The following DYM variants were observed in gnomAD, a reference collection of about 807,000 sequenced individuals.
DYM encodes the protein dyggve-Melchior-Clausen syndrome protein.
A neutral mutation model predicts 93.1 loss-of-function variants in DYM; 78 were observed. The ratio of observed to expected loss-of-function variants is 0.84; its 90% CI spans 0.70 to 1.01. The LOEUF is 1.01. DYM is among the 50% of genes least tolerant of loss of function. The pLI, the probability that DYM is intolerant of heterozygous loss-of-function variation, is 0.00. For synonymous variants in DYM, 321 were observed against 319.7 expected, an observed-to-expected ratio of 1.00 and a Z score of -0.04; for missense variants, 789 against 845.0, an observed-to-expected ratio of 0.93 and a Z score of 0.82.
chr18:49,245,117 T>A (rs532113162), intron 13 of DYM, among the ~76,000 whole-genome samples: 1 of 152,354 alleles, frequency 6.6e-6, no homozygotes, highest in East Asian at 1.9e-4. Flanking sequence ...CCCCAATCAA[T>A]ACTTTTATAA....
At chr18:49,056,806 C>T (rs1300681264) in intron 17 of DYM, among the ~76,000 whole-genome samples, 1 of 152,182 alleles carries the variant, frequency 6.6e-6, no homozygotes, top group East Asian at 1.9e-4. Context: ...CTTGGCCTCC[C>T]AAAGTGCTGC....
chr18:49,394,871 G>A (rs560525074), intron 2 of DYM, among the ~76,000 whole-genome samples: 1 of 151,966 alleles, frequency 6.6e-6, no homozygotes, highest in Admixed American at 6.6e-5. Flanking sequence ...TTTGACAAAG[G>A]CATCAAGAAC....
chr18:49,292,627 C>CACA (rs1182623256), intron 8 of DYM, among the ~76,000 whole-genome samples: 3 of 115,904 alleles, frequency 2.6e-5, no homozygotes, highest in African/African-American at 9.0e-5. Flanking sequence ...AAAAAAAAAC[C>CACA]CCCACAAAAA....
intron 2 of DYM, among the ~76,000 whole-genome samples, chr18:49,423,564 T>C (rs930930563): frequency 2.0e-5 from 3 of 152,078 alleles, no homozygotes; most frequent in Middle Eastern, 3.4e-3. Context: ...CTGAAGGAGA[T>C]AGAGACACAA....
chr18:49,091,626 T>C (rs1371782824), intron 17 of DYM, among the ~76,000 whole-genome samples: 1 of 152,128 alleles, frequency 6.6e-6, no homozygotes, highest in Non-Finnish European at 1.5e-5. Flanking sequence ...TAGATTCTAA[T>C]TCCATGGGTC....
At chr18:49,380,052 C>T (rs1472402662) in intron 3 of DYM, among the ~76,000 whole-genome samples, 3 of 151,782 alleles carry the variant, frequency 2.0e-5, no homozygotes, top group African/African-American at 7.2e-5. Flanking sequence ...ACACATTCAA[C>T]TTACACACTA....
chr18:49,295,992 G>A (rs1003659163), intron 8 of DYM, among the ~76,000 whole-genome samples: 4 of 152,060 alleles, frequency 2.6e-5, no homozygotes, highest in Admixed American at 1.3e-4. Context: ...GCGTGATCTC[G>A]CTAACTGCAA....
chr18:49,178,898 C>T (rs907948883), intron 14 of DYM, among the ~76,000 whole-genome samples: 1 of 151,914 alleles, frequency 6.6e-6, no homozygotes, highest in Non-Finnish European at 1.5e-5. Context: ...AATGTTTAAC[C>T]ATGTAACCCC....
At chr18:49,359,022 GTC>G (rs1447249770) in intron 6 of DYM, among the ~76,000 whole-genome samples, 1 of 152,166 alleles carries the variant, frequency 6.6e-6, no homozygotes, top group Non-Finnish European at 1.5e-5. Flanking sequence ...GTTCCCACAA[GTC>G]TCATTCAGCC....
intron 6 of DYM, among the ~76,000 whole-genome samples, chr18:49,358,952 G>A (rs2065794563): frequency 6.6e-6 from 1 of 152,116 alleles, no homozygotes; most frequent in South Asian, 2.1e-4. Context: ...TACAAGGATG[G>A]GTCTATACGG....
chr18:49,198,440 A>G (rs1486433951), intron 14 of DYM, among the ~76,000 whole-genome samples: 3 of 152,248 alleles, frequency 2.0e-5, no homozygotes, highest in African/African-American at 7.2e-5. Context: ...CAGAGTGAAC[A>G]GGCAACCTAC....
At position 49,391,647 on chromosome 18, in the gene DYM, T is replaced by C; in HGVS notation, c.141-2A>G. 6.2e-7 allele frequency: 1 copy of C among 1,612,422 alleles called. No homozygotes were observed. Among genetic ancestry groups the C allele is most frequent in the African/African-American group, 1.3e-5 (1 of 74,968 alleles). On this transcript the variant is annotated splice_acceptor_variant, in intron 2 of 17. Coordinates refer to ENST00000675505, the MANE Select transcript of DYM (RefSeq NM_001353214.3). LOFTEE classifies it high-confidence loss of function. ...TCCTCCAAGAGTTTCAACTCACTAC[T>C]GGAGAGACAGAAGAATAAAGGTAAT... is the stretch of plus-strand genomic sequence containing the variant.
intron 2 of DYM, among the ~76,000 whole-genome samples, chr18:49,400,933 AAC>A: frequency 6.6e-6 from 1 of 152,328 alleles, no homozygotes; most frequent in South Asian, 2.1e-4. Flanking sequence ...GCAGGCAACT[AAC>A]AAACCATCAT....
At chr18:49,337,238 AAAG>A (rs2063738772) in intron 6 of DYM, among the ~76,000 whole-genome samples, 1 of 152,190 alleles carries the variant, frequency 6.6e-6, no homozygotes, top group African/African-American at 2.4e-5. Context: ...GAATTTCATG[AAAG>A]AAGGATCCAG....
chr18:49,338,009 G>C (rs1466079635), intron 6 of DYM, among the ~76,000 whole-genome samples: 1 of 152,150 alleles, frequency 6.6e-6, no homozygotes, highest in African/African-American at 2.4e-5. Context: ...ACTGGGAGTT[G>C]AGAAATTAAT....
chr18:49,080,753 C>A (rs2077889823), intron 17 of DYM, among the ~76,000 whole-genome samples: 1 of 139,192 alleles, frequency 7.2e-6, no homozygotes, highest in African/African-American at 2.7e-5. Context: ...GACGGGGCAG[C>A]TCCGGGCGGA....
chr18:49,076,416 C>A (rs887116493), intron 17 of DYM, among the ~76,000 whole-genome samples: 7 of 152,152 alleles, frequency 4.6e-5, no homozygotes, highest in African/African-American at 1.2e-4. Flanking sequence ...ATTCACAACA[C>A]CAATGTAATA....
intron 14 of DYM, among the ~76,000 whole-genome samples, chr18:49,168,233 A>C (rs188086496): frequency 1.8e-4 from 27 of 152,264 alleles, no homozygotes; most frequent in African/African-American, 6.5e-4. Context: ...CTCTATATAT[A>C]TATATATGGA....
intron 15 of DYM, among the ~76,000 whole-genome samples, chr18:49,151,352 T>C (rs1178146670): frequency 6.6e-6 from 1 of 152,212 alleles, no homozygotes; most frequent in Non-Finnish European, 1.5e-5. Context: ...TCGAATACAA[T>C]TTGTTTTCAG....
Sources: gnomAD v4.1 joint callset for allele counts (sites outside exome capture counted in the v4.1 genomes callset) on GRCh38, gnomAD v4.1.1 for gene constraint, MANE v1.5 for transcripts, NCBI Gene and HGNC (gene_info 2026-07-23, HGNC 2026-07-21) for gene names.